The following ZNF25 variants were observed in gnomAD, a reference collection of about 807,000 sequenced individuals.
ZNF25 encodes the protein zinc finger protein 25 (KOX 19).
In ZNF25, 21 loss-of-function variants were observed where a neutral mutation model predicts 30.9. That is an observed-to-expected ratio of 0.68 (90% CI 0.48 to 0.98). The LOEUF (loss-of-function observed/expected upper bound fraction) is 0.98. ZNF25 is among the 50% of genes least tolerant of loss of function. The pLI is 0.00. For synonymous variants in ZNF25, 169 were observed against 181.3 expected (o/e 0.93, Z 0.55); for missense variants, 501 against 529.9 (o/e 0.95, Z 0.54).
At chr10:37,955,773 G>A (rs1388963033) in intron 4 of ZNF25, among the ~76,000 whole-genome samples, 1 of 152,136 alleles carries the variant, frequency 6.6e-6, no homozygotes, top group Non-Finnish European at 1.5e-5. Flanking sequence ...TGCTTCCTGG[G>A]TTTAAGCAAT....
intron 2 of ZNF25, chr10:37,967,916 C>T (rs1359930436): frequency 6.6e-6 from 1 of 152,140 alleles, no homozygotes; most frequent in East Asian, 1.9e-4. Context: ...ACATAGCCTA[C>T]CTTGAATTTG....
intron 2 of ZNF25, among the ~76,000 whole-genome samples, chr10:37,960,055 T>C (rs2062767820): frequency 1.3e-5 from 2 of 152,072 alleles, no homozygotes; most frequent in Non-Finnish European, 2.9e-5. Flanking sequence ...GCTGGGACTA[T>C]AGATGCCCGC....
Position 37,952,285 on chromosome 10 carries a change from T to C in ZNF25, c.1213A>G (p.Lys405Glu), listed in dbSNP as rs201243772. The change falls in exon 6 of 6, where the codon AAG (lysine) becomes GAG (glutamate). Residue 405 changes from lysine to glutamate, a missense_variant. Lys to Glu is a moderately conservative substitution (Grantham distance 56). Transcript: ENST00000302609. ...EKPYACKECG[K>E]SFSQKSHFII... The stretch of plus-strand genomic sequence containing the variant: ...AAATGTGACTTCTGAGAAAAGGACT[T>C]CCCACATTCCTTGCATGCATAGGGC... 4 of 1,613,926 alleles carry C rather than the reference T, an allele frequency of 2.5e-6. No homozygotes were observed. The East Asian group carries it at 6.7e-5, about 27-fold the overall frequency.
chr10:37,976,413 C>T (rs2063820055), intron 1 of ZNF25, 93 bp downstream of exon 1: 1 of 152,310 alleles, frequency 6.6e-6, no homozygotes, highest in Non-Finnish European at 1.5e-5. Flanking sequence ...ACCCAGGGCC[C>T]TCCGCGGAGG....
chr10:37,955,863 T>C (rs1409730066), intron 4 of ZNF25, among the ~76,000 whole-genome samples: 1 of 152,024 alleles, frequency 6.6e-6, no homozygotes, highest in East Asian at 1.9e-4. Flanking sequence ...TTTGTATTTT[T>C]AGTAGAGACA....
rs780835353 is a variant in ZNF25 at position 37,962,867 on chromosome 10, T to C, written c.16-5321A>G. Among the ~76,000 whole-genome samples, 107 of 152,180 alleles carry C rather than the reference T, an allele frequency of 7.0e-4. 1 individual carries two copies. The highest frequency in any genetic ancestry group is 1.2e-3 in the Non-Finnish European group (83 of 68,002). On this transcript the variant is annotated intron_variant, in intron 2 of 5. Transcript: ENST00000302609. The stretch of plus-strand genomic sequence containing the variant: ...ATCAAAACTCACTCAGGAAGAAATA[T>C]CTAAGATAAATAATATTACCTAGTA...
intron 2 of ZNF25, among the ~76,000 whole-genome samples, chr10:37,970,433 T>C (rs1006252882): frequency 1.2e-4 from 18 of 152,190 alleles, no homozygotes; most frequent in Admixed American, 5.9e-4. Flanking sequence ...CCATTCATGA[T>C]AAAAACTCTG....
intron 4 of ZNF25, among the ~76,000 whole-genome samples, chr10:37,954,911 T>C (rs1458086533): frequency 6.6e-6 from 1 of 152,104 alleles, no homozygotes; most frequent in African/African-American, 2.4e-5. Context: ...CCCGGCACTT[T>C]GAGAGGCTGA....
chr10:37,976,257 G>A (rs2063806869), intron 1 of ZNF25, among the ~76,000 whole-genome samples: 1 of 152,208 alleles, frequency 6.6e-6, no homozygotes, highest in Non-Finnish European at 1.5e-5. Context: ...TGGCGGCTCC[G>A]GTCACGTCAC....
chr10:37,971,862 T>C, intron 1 of ZNF25, 55 bp from the exon 2 acceptor site: 1 of 1,190,340 alleles, frequency 8.4e-7, no homozygotes, highest in Non-Finnish European at 1.2e-6. Flanking sequence ...TGAGAAAATG[T>C]CCCTTTGACC....
chr10:37,956,467 T>A (rs2062527739), intron 4 of ZNF25, among the ~76,000 whole-genome samples: 1 of 152,120 alleles, frequency 6.6e-6, no homozygotes, highest in Non-Finnish European at 1.5e-5. Context: ...AGATAAGAGT[T>A]TGTATACAGG....
At chr10:37,961,278 G>C (rs766362) in intron 2 of ZNF25, among the ~76,000 whole-genome samples, 32,882 of 152,018 alleles carry the variant, frequency 0.22, 3,753 homozygotes, top group East Asian at 0.4. Context: ...TTTTTTTAAA[G>C]CAACACTTCT....
chr10:37,953,106 G>C lies in ZNF25; in HGVS notation c.392C>G (p.Ser131Cys). 1.2e-6 allele frequency: 2 copies of C among 1,613,594 alleles called. No individual in the cohort carries two copies. The highest frequency in any genetic ancestry group is 1.7e-6 in the Non-Finnish European group (2 of 1,179,916). ...KECGKFFCQKSALIVHQHTHS... is the reference protein window; with the variant it reads ...KECGKFFCQKCALIVHQHTHS... ...AGTATGCTGATGTACTATGAGGGCA[G>C]ACTTCTGGCAGAAGAACTTCCCACA... Residue 131 changes from serine (S) to cysteine (C), a missense_variant, in exon 6 of 6, where the codon TCT (serine) becomes TGT (cysteine). Coordinates refer to ENST00000302609, the MANE Select transcript of ZNF25 (RefSeq NM_145011.4).
intron 2 of ZNF25, among the ~76,000 whole-genome samples, chr10:37,964,565 T>G (rs905048368): frequency 6.6e-6 from 1 of 152,178 alleles, no homozygotes; most frequent in Non-Finnish European, 1.5e-5. Flanking sequence ...AAGACTGAAC[T>G]TAAGACTGAT....
rs2135325044 is a variant in ZNF25, at chr10:37,957,197, G to A, written c.143-82C>T. 4 of 1,422,308 alleles carry A rather than the reference G, an allele frequency of 2.8e-6. No individual in the cohort carries two copies. The East Asian group carries it at 6.9e-5, about 24-fold the overall frequency. 88.1% of individuals were successfully genotyped at this position (1,422,308 alleles called of 1,614,324 possible). A position where few individuals can be genotyped will look rare whatever the true frequency, so the allele number is the denominator to read the frequency against. On this transcript the variant is annotated intron_variant, in intron 3 of 5. Coordinates refer to ENST00000302609, the MANE Select transcript of ZNF25 (RefSeq NM_145011.4). ...GAAAGATGAGGAAGTGGAGTTTCAG[G>A]ATAATAATGAAGGTTCCAGTTAGGC... is the stretch of plus-strand genomic sequence containing the variant.
chr10:37,949,878 T>C lies in ZNF25; in HGVS notation c.*2249A>G, dbSNP rs1169055938. On this transcript the variant is annotated 3_prime_UTR_variant, in exon 6 of 6. Coordinates refer to ENST00000302609, the MANE Select transcript of ZNF25 (RefSeq NM_145011.4). ...GAACAATTCGACTTAATTTAGACAATGTTTATTTCATATGTTTACTGCTAC... is the reference window on the plus strand; with the variant it reads ...GAACAATTCGACTTAATTTAGACAACGTTTATTTCATATGTTTACTGCTAC... 1 of 152,630 alleles carries C rather than the reference T, an allele frequency of 6.6e-6. No individual in the cohort carries two copies. Among genetic ancestry groups the C allele is most frequent in the Non-Finnish European group, 1.5e-5 (1 of 68,046 alleles). 9.5% of individuals were successfully genotyped at this position (152,630 alleles called of 1,614,324 possible).
rs535222664 is a variant in ZNF25 at position 37,956,890 on chromosome 10, G to A, written c.238+130C>T. The A allele has an allele frequency of 8.8e-6, 6 of 679,074 alleles. No individual in the cohort carries two copies. In the African/African-American group the frequency reaches 1.1e-4, roughly 13 times the overall value. The allele number at this position is 679,074 out of a possible 1,614,324, so 42.1% of individuals were successfully genotyped here. On this transcript the variant is annotated intron_variant, in intron 4 of 5. Transcript: ENST00000302609. The stretch of plus-strand genomic sequence containing the variant: ...AGATGGCAACATTGGACTCCAGCCT[G>A]GACAACAAGAGTGAAACTCTGTTTC...
intron 2 of ZNF25, among the ~76,000 whole-genome samples, chr10:37,967,005 C>T (rs1015533471): frequency 2.0e-5 from 3 of 152,022 alleles, no homozygotes; most frequent in Non-Finnish European, 2.9e-5. Context: ...AGGCATTTCA[C>T]GAAAATAGTA....
intron 2 of ZNF25, among the ~76,000 whole-genome samples, chr10:37,960,519 G>C (rs933951814): frequency 6.6e-6 from 1 of 150,812 alleles, no homozygotes; most frequent in Non-Finnish European, 1.5e-5. Context: ...AGCTACTCGG[G>C]AGGCTGAGGC....
Sources: gnomAD v4.1 joint callset for allele counts (sites outside exome capture counted in the v4.1 genomes callset) on GRCh38, gnomAD v4.1.1 for gene constraint, MANE v1.5 for transcripts, NCBI Gene and HGNC (gene_info 2026-07-23, HGNC 2026-07-21) for gene names.